The following TRUB1 variants were observed in gnomAD, a reference collection of about 807,000 sequenced individuals.
The protein encoded by TRUB1 is pseudouridylate synthase TRUB1.
Under a neutral mutation model 33.9 loss-of-function variants are expected in TRUB1, and 23 were observed. The observed-to-expected ratio is 0.68, with a 90% CI of 0.49 to 0.96. The LOEUF is 0.96. Among genes scored for constraint, TRUB1 ranks in the 40% least tolerant of loss-of-function variants. The probability of loss-of-function intolerance (pLI) is 0.00; values close to 1 mark genes in which losing one functional copy is unlikely to be tolerated. For synonymous variants in TRUB1, 163 were observed against 165.4 expected (o/e 0.99, Z 0.11); for missense variants, 378 against 422.2 (o/e 0.90, Z 0.92).
In TRUB1 at chr10:114,977,092, C is replaced by T. The variant is rs1433059083; in HGVS notation, c.*1713C>T. On this transcript the variant is annotated 3_prime_UTR_variant, in exon 8 of 8. Coordinates refer to ENST00000298746, the MANE Select transcript of TRUB1 (RefSeq NM_139169.5). ...ACCTTAAAAATTGACACAGAGTTTACTAATAGAGGAGTAGAGATTGTTGAC... is the reference window on the plus strand; with the variant it reads ...ACCTTAAAAATTGACACAGAGTTTATTAATAGAGGAGTAGAGATTGTTGAC... 6.6e-6 allele frequency: 1 copy of T among 152,072 alleles called. No homozygotes were observed. Among genetic ancestry groups the T allele is most frequent in the African/African-American group, 2.4e-5 (1 of 41,410 alleles). 9.4% of individuals were successfully genotyped at this position (152,072 alleles called of 1,614,324 possible).
intron 1 of TRUB1, 87 bp downstream of exon 1, chr10:114,938,626 G>A: frequency 7.4e-7 from 1 of 1,349,462 alleles, no homozygotes; most frequent in Non-Finnish European, 9.9e-7. Flanking sequence ...CGTGATTCAA[G>A]AGACAAAAGG....
chr10:114,964,191 G>T (rs915883016), intron 4 of TRUB1, among the ~76,000 whole-genome samples: 4 of 152,182 alleles, frequency 2.6e-5, no homozygotes, highest in African/African-American at 7.2e-5. Context: ...TCTGGTGAGT[G>T]TGTAGTGATA....
chr10:114,974,340 G>A lies in TRUB1; in HGVS notation c.748G>A (p.Gly250Arg). Residue 250 changes from glycine to arginine, a missense_variant, in exon 7 of 8, where the codon GGA (glycine) becomes AGA (arginine). Gly to Arg is a moderately radical substitution (Grantham distance 125). Transcript: ENST00000298746. The part of the protein sequence containing the change: ...PPFFTLDVEC[G>R]GGFYIRSLVS... ...TGTTAACATTCCAGATGTTGAATGTGGAGGAGGTTTTTATATCAGAAGCTT... is the reference window on the plus strand; with the variant it reads ...TGTTAACATTCCAGATGTTGAATGTAGAGGAGGTTTTTATATCAGAAGCTT... The A allele has an allele frequency of 1.2e-6, 2 of 1,612,556 alleles. No individual in the cohort carries two copies. Among genetic ancestry groups the A allele is most frequent in the Non-Finnish European group, 1.7e-6 (2 of 1,178,958 alleles).
chr10:114,974,299 CAATTTACTATGTCACTGTTAACATTCCAG>C lies in TRUB1; in HGVS notation c.737-28_737del, dbSNP rs750260387. On this transcript the variant is annotated splice_acceptor_variant and splice_polypyrimidine_tract_variant and intron_variant, in intron 6 of 7. Coordinates refer to ENST00000298746, the MANE Select transcript of TRUB1 (RefSeq NM_139169.5). LOFTEE classifies it high-confidence loss of function. ...TAAAGTGGATTTCATAGGAGGTTAG[CAATTTACTATGTCACTGTTAACATTCCAG>C]ATGTTGAATGTGGAGGAGGTTTTTA... 6.3e-7 allele frequency: 1 copy of C among 1,586,306 alleles called. No homozygotes were observed. The highest frequency in any genetic ancestry group is 8.6e-7 in the Non-Finnish European group (1 of 1,156,678).
intron 2 of TRUB1, 52 bp downstream of exon 2, chr10:114,942,795 G>C: frequency 8.4e-7 from 1 of 1,184,104 alleles, no homozygotes; most frequent in Admixed American, 1.7e-5. Context: ...ATATCAGAAA[G>C]AAACACTGGT....
At chr10:114,947,533 C>A (rs2084216547) in intron 2 of TRUB1, among the ~76,000 whole-genome samples, 1 of 152,138 alleles carries the variant, frequency 6.6e-6, no homozygotes, top group Non-Finnish European at 1.5e-5. Context: ...CCATTTTCCA[C>A]CTTTCATCAA....
intron 2 of TRUB1, among the ~76,000 whole-genome samples, chr10:114,947,716 T>C (rs1370652396): frequency 1.3e-5 from 2 of 152,252 alleles, no homozygotes; most frequent in Non-Finnish European, 2.9e-5. Context: ...TTTTAATGGC[T>C]ATAAAATGTT....
In TRUB1 at chr10:114,974,344, G is replaced by A. The variant is rs1405696818; in HGVS notation, c.752G>A (p.Gly251Glu). Residue 251 changes from glycine to glutamate, a missense_variant, in exon 7 of 8, where the codon GGA (glycine) becomes GAA (glutamate). Gly to Glu is a moderately conservative substitution (Grantham distance 98, BLOSUM62 -2). Coordinates refer to ENST00000298746, the MANE Select transcript of TRUB1 (RefSeq NM_139169.5). ...PFFTLDVECGGGFYIRSLVSD... is the reference protein window; with the variant it reads ...PFFTLDVECGEGFYIRSLVSD... ...AACATTCCAGATGTTGAATGTGGAGGAGGTTTTTATATCAGAAGCTTGGTC... is the reference window on the plus strand; with the variant it reads ...AACATTCCAGATGTTGAATGTGGAGAAGGTTTTTATATCAGAAGCTTGGTC... 6.2e-7 allele frequency: 1 copy of A among 1,612,856 alleles called. No individual in the cohort carries two copies. The highest frequency in any genetic ancestry group is 2.2e-5 in the East Asian group (1 of 44,822).
rs773380905 is a variant in TRUB1, at chr10:114,972,238, T to C, written c.700T>C (p.Ser234Pro). The C allele has an allele frequency of 1.2e-6, 2 of 1,609,300 alleles. No homozygotes were observed. The highest frequency in any genetic ancestry group is 1.7e-6 in the Non-Finnish European group (2 of 1,178,920). Residue 234 changes from serine to proline, a missense_variant, in exon 6 of 8, where the codon TCC becomes CCC. Ser to Pro is a moderately conservative substitution (Grantham distance 74). Transcript: ENST00000298746. ...PARPVTVYSISLQKFQPPFFT... is the reference protein window; with the variant it reads ...PARPVTVYSIPLQKFQPPFFT... ...CAGGCCAGTGACTGTATACAGTATCTCCCTTCAAAAATTCCAGCCACCATT... is the reference window on the plus strand; with the variant it reads ...CAGGCCAGTGACTGTATACAGTATCCCCCTTCAAAAATTCCAGCCACCATT...
rs2084338902 is a variant in TRUB1 at position 114,972,023 on chromosome 10, A to G, written c.597-112A>G. The G allele has an allele frequency of 3.3e-6, 4 of 1,213,468 alleles. No individual in the cohort carries two copies. In the Admixed American group the frequency reaches 7.9e-5, roughly 24 times the overall value. 75.2% of individuals were successfully genotyped at this position (1,213,468 alleles called of 1,614,324 possible). ...AGGATTTTCATTGTGAAGCACTGCC[A>G]GTCATCCTTCCTTTCCATGCTAAAT... On this transcript the variant is annotated intron_variant, in intron 5 of 7. Coordinates refer to ENST00000298746, the MANE Select transcript of TRUB1 (RefSeq NM_139169.5).
chr10:114,947,575 G>A (rs1199036380), intron 2 of TRUB1, among the ~76,000 whole-genome samples: 1 of 152,128 alleles, frequency 6.6e-6, no homozygotes, highest in Non-Finnish European at 1.5e-5. Context: ...ATATTTCCTT[G>A]TAGCTTTTTG....
At chr10:114,939,602 A>T (rs1438819408) in intron 1 of TRUB1, among the ~76,000 whole-genome samples, 1 of 152,240 alleles carries the variant, frequency 6.6e-6, no homozygotes, top group Non-Finnish European at 1.5e-5. Flanking sequence ...TTAAGTGTTT[A>T]TGGGCAAATA....
At chr10:114,951,912 A>G (rs2084237342) in intron 3 of TRUB1, among the ~76,000 whole-genome samples, 1 of 152,216 alleles carries the variant, frequency 6.6e-6, no homozygotes, top group Non-Finnish European at 1.5e-5. Context: ...TCTAAATGTG[A>G]TATAAATTGT....
intron 2 of TRUB1, among the ~76,000 whole-genome samples, chr10:114,944,134 T>A (rs1224811952): frequency 1.3e-5 from 2 of 150,608 alleles, no homozygotes; most frequent in East Asian, 4.0e-4. Context: ...ACTACCTACA[T>A]ACATTGGGAT....
chr10:114,938,249 A>G lies in TRUB1; in HGVS notation c.-5A>G, dbSNP rs756215966. On this transcript the variant is annotated 5_prime_UTR_variant, in exon 1 of 8. Transcript: ENST00000298746. ...CACGATGAAACAGGTCTGGGCTACA[A>G]AAGTATGGCCGCTTCTGAGGCGGCG... 5 of 1,613,704 alleles carry G rather than the reference A, an allele frequency of 3.1e-6. No individual in the cohort carries two copies. In the African/African-American group the frequency reaches 4.0e-5, roughly 13 times the overall value.
In TRUB1 at chr10:114,973,527, ATTCCCCCAAATGGCTTTAT is replaced by A. The variant is rs2084346168; in HGVS notation, c.737-799_737-781del. Among the ~76,000 whole-genome samples the A allele has an allele frequency of 2.0e-5, 3 of 152,270 alleles. No individual in the cohort carries two copies. The South Asian group carries it at 6.2e-4, about 32-fold the overall frequency. On this transcript the variant is annotated intron_variant, in intron 6 of 7. Coordinates refer to ENST00000298746, the MANE Select transcript of TRUB1 (RefSeq NM_139169.5). ...ATCCCCAGGTGGTGAGTTTTGATTA[ATTCCCCCAAATGGCTTTAT>A]TTGTACCAGTAAGACTCGAAGCAGC...
chr10:114,938,282 C>T lies in TRUB1; in HGVS notation c.29C>T (p.Ser10Phe), dbSNP rs1278361771. The T allele has an allele frequency of 1.2e-6, 2 of 1,614,192 alleles. No homozygotes were observed. Among genetic ancestry groups the T allele is most frequent in the Admixed American group, 3.3e-5 (2 of 60,030 alleles). Residue 10 changes from serine to phenylalanine, a missense_variant, in exon 1 of 8, where the codon TCT becomes TTT. By Grantham distance (155) the Ser-to-Phe change is radical. Transcript: ENST00000298746. MAASEAAVV[S>F]SPSLKTDTSP... ...GCCGCTTCTGAGGCGGCGGTGGTGT[C>T]TTCGCCGTCTTTGAAAACAGACACA...
intron 7 of TRUB1, 78 bp from the exon 8 acceptor site, chr10:114,975,045 G>A (rs2084353695): frequency 4.1e-6 from 6 of 1,477,900 alleles, no homozygotes. Flanking sequence ...ATTGAGTACG[G>A]TCATTTGAAC....
chr10:114,958,630 C>CT (rs958593422), intron 3 of TRUB1, among the ~76,000 whole-genome samples: 8 of 152,168 alleles, frequency 5.3e-5, no homozygotes, highest in African/African-American at 1.9e-4. Flanking sequence ...AGTTCTTGCA[C>CT]TTTTTTCACT....
Sources: allele counts gnomAD v4.1 joint callset (sites outside exome capture counted in the v4.1 genomes callset), GRCh38; gene constraint gnomAD v4.1.1; transcripts MANE v1.5; gene names NCBI Gene and HGNC (gene_info 2026-07-23, HGNC 2026-07-21).